Variants in ST6GALNAC5 observed in about 807,000 individuals in gnomAD.
ST6GALNAC5 encodes ST6 N-acetylgalactosaminide alpha-2,6-sialyltransferase 5.
ST6GALNAC5 carries 27 observed loss-of-function variants against 33.6 expected under a neutral mutation model. The ratio of observed to expected loss-of-function variants is 0.80; its 90% CI spans 0.59 to 1.11. ST6GALNAC5 has a LOEUF of 1.11. ST6GALNAC5 is among the 50% of genes least tolerant of loss of function. The pLI is 0.00. For missense variants in ST6GALNAC5, 428 were observed against 454.0 expected, an observed-to-expected ratio of 0.94 and a Z score of 0.52; for synonymous variants, 194 against 171.2, an observed-to-expected ratio of 1.13 and a Z score of -1.04.
intron 2 of ST6GALNAC5, among the ~76,000 whole-genome samples, chr1:77,010,377 C>G (rs182312604): frequency 6.6e-6 from 1 of 152,236 alleles, no homozygotes; most frequent in Non-Finnish European, 1.5e-5. Context: ...CACTTGTAAT[C>G]TCACCTACTC....
Position 77,024,881 on chromosome 1 carries a change from TTC to T in ST6GALNAC5, c.262-19320_262-19319del, listed in dbSNP as rs1368562370. Among the ~76,000 whole-genome samples, 3 of 152,258 alleles carry T rather than the reference TTC, an allele frequency of 2.0e-5. No homozygotes were observed. In the East Asian group the frequency reaches 5.8e-4, roughly 29 times the overall value. On this transcript the variant is annotated intron_variant, in intron 2 of 4. Transcript: ENST00000477717. ...GTTCAGGGATTTAGAGAAGCTTCCT[TTC>T]TCCCAACTCCATCTGCTGTGACCCA...
chr1:76,881,033 C>T lies in ST6GALNAC5; in HGVS notation c.261+12291C>T, dbSNP rs577451976. On this transcript the variant is annotated intron_variant, in intron 2 of 4. Transcript: ENST00000477717. The stretch of plus-strand genomic sequence containing the variant: ...AAAATTAAAACATATCATTAATCAA[C>T]AAGTCATTCCTTAAAACCTCTTATT... 8.9e-4 allele frequency among the ~76,000 whole-genome samples: 135 copies of T among 152,258 alleles called. 1 individual carries two copies. Among genetic ancestry groups the T allele is most frequent in the Non-Finnish European group, 1.6e-3 (109 of 68,020 alleles).
intron 2 of ST6GALNAC5, among the ~76,000 whole-genome samples, chr1:76,912,282 C>T (rs1646922279): frequency 6.6e-6 from 1 of 152,128 alleles, no homozygotes; most frequent in African/African-American, 2.4e-5. Context: ...GCACTGTGGT[C>T]TGAGAGACAG....
chr1:77,056,300 T>TA (rs1652396619), intron 4 of ST6GALNAC5, among the ~76,000 whole-genome samples: 1 of 152,200 alleles, frequency 6.6e-6, no homozygotes, highest in African/African-American at 2.4e-5. Flanking sequence ...CAAACTAAGT[T>TA]ATGCTAAGTA....
At chr1:76,911,285 G>T (rs1009227743) in intron 2 of ST6GALNAC5, among the ~76,000 whole-genome samples, 3 of 152,248 alleles carry the variant, frequency 2.0e-5, no homozygotes, top group Middle Eastern at 3.4e-3. Context: ...GCATCCCAGG[G>T]ATGAAGCCCA....
At position 76,873,251 on chromosome 1, in the gene ST6GALNAC5, T is replaced by C. The variant is rs79746932; in HGVS notation, c.261+4509T>C. Among the ~76,000 whole-genome samples the C allele has an allele frequency of 5.0e-3, 768 of 152,348 alleles. 9 individuals carry two copies. The highest frequency in any genetic ancestry group is 0.018 in the African/African-American group (743 of 41,586). ...GTCATCAGGTCACATGTCATCTTCTTATGGACCACATTCTTTAACTAGCCC... is the reference window on the plus strand; with the variant it reads ...GTCATCAGGTCACATGTCATCTTCTCATGGACCACATTCTTTAACTAGCCC... On this transcript the variant is annotated intron_variant, in intron 2 of 4. Transcript: ENST00000477717.
intron 2 of ST6GALNAC5, among the ~76,000 whole-genome samples, chr1:77,002,300 G>A (rs1650203103): frequency 6.6e-6 from 1 of 152,138 alleles, no homozygotes; most frequent in Non-Finnish European, 1.5e-5. Flanking sequence ...AGTATTCTCT[G>A]ATGGTAGTTT....
At chr1:76,996,716 G>A (rs1007443105) in intron 2 of ST6GALNAC5, among the ~76,000 whole-genome samples, 78 of 152,296 alleles carry the variant, frequency 5.1e-4, no homozygotes, top group African/African-American at 1.7e-3. Context: ...CAGTTGGAAG[G>A]AGGCTGGCAT....
intron 2 of ST6GALNAC5, among the ~76,000 whole-genome samples, chr1:76,959,031 C>T (rs2100347413): frequency 6.6e-6 from 1 of 152,322 alleles, no homozygotes; most frequent in South Asian, 2.1e-4. Flanking sequence ...CAAGCATTCA[C>T]CGGCTGACTT....
intron 4 of ST6GALNAC5, among the ~76,000 whole-genome samples, chr1:77,060,400 G>A (rs911561452): frequency 6.6e-6 from 1 of 152,164 alleles, no homozygotes; most frequent in Non-Finnish European, 1.5e-5. Context: ...AGAAAGTCAG[G>A]TTTGAGAAAA....
chr1:76,910,402 G>C (rs925520568), intron 2 of ST6GALNAC5, among the ~76,000 whole-genome samples: 1 of 151,884 alleles, frequency 6.6e-6, no homozygotes, highest in Admixed American at 6.6e-5. Context: ...AAATAAAAGC[G>C]AAGTAAATAT....
chr1:77,011,064 A>T (rs971407099), intron 2 of ST6GALNAC5, among the ~76,000 whole-genome samples: 1 of 110,276 alleles, frequency 9.1e-6, no homozygotes, highest in Admixed American at 8.1e-5. Context: ...AAAGCAGGGG[A>T]CAGAATATTC....
chr1:76,909,230 T>C (rs1434551450), intron 2 of ST6GALNAC5, among the ~76,000 whole-genome samples: 3 of 152,124 alleles, frequency 2.0e-5, no homozygotes, highest in East Asian at 1.9e-4. Flanking sequence ...TAGTGCAGTG[T>C]TGGAAGTCAG....
At chr1:77,004,595 T>C (rs1375982609) in intron 2 of ST6GALNAC5, among the ~76,000 whole-genome samples, 1 of 129,870 alleles carries the variant, frequency 7.7e-6, no homozygotes, top group Non-Finnish European at 1.8e-5. Flanking sequence ...AGTTTTTCTG[T>C]TCTGTTTTTT....
intron 3 of ST6GALNAC5, among the ~76,000 whole-genome samples, chr1:77,047,636 G>T (rs1652061414): frequency 6.6e-6 from 1 of 152,148 alleles, no homozygotes; most frequent in Non-Finnish European, 1.5e-5. Context: ...AAAAGTAACT[G>T]TACTTGAAAA....
At chr1:77,001,171 G>T (rs1049486299) in intron 2 of ST6GALNAC5, among the ~76,000 whole-genome samples, 1 of 142,280 alleles carries the variant, frequency 7.0e-6, no homozygotes, top group African/African-American at 2.6e-5. Flanking sequence ...ATTTCCTTGA[G>T]CAGTGGTTTG....
chr1:77,028,383 G>T (rs904432205), intron 2 of ST6GALNAC5, among the ~76,000 whole-genome samples: 18 of 151,962 alleles, frequency 1.2e-4, no homozygotes, highest in Non-Finnish European at 1.5e-5. Flanking sequence ...AAAACTTCAG[G>T]ACATCAAAAG....
At chr1:76,901,608 A>G (rs1199280413) in intron 2 of ST6GALNAC5, among the ~76,000 whole-genome samples, 2 of 152,222 alleles carry the variant, frequency 1.3e-5, no homozygotes, top group Non-Finnish European at 2.9e-5. Flanking sequence ...CTTTGGGAAT[A>G]TAAGGCCTTT....
In ST6GALNAC5 at chr1:76,868,175, C is replaced by G. The variant is rs1653393797; in HGVS notation, c.16-322C>G. Among the ~76,000 whole-genome samples, 1 of 152,120 alleles carries G rather than the reference C, an allele frequency of 6.6e-6. No homozygotes were observed. The highest frequency in any genetic ancestry group is 6.5e-5 in the Admixed American group (1 of 15,288). ...GCTTGGCTGGGGTGGCTGCGCCAGA[C>G]GGGCCCTTCCCCAAAGTGCAAACCC... On this transcript the variant is annotated intron_variant, in intron 1 of 4. Coordinates refer to ENST00000477717, the MANE Select transcript of ST6GALNAC5 (RefSeq NM_030965.3). This position sits in a 1 kb window ranked among gnomAD's most constrained non-coding sequence, Gnocchi z 4.3.
Sources: allele counts gnomAD v4.1 joint callset (sites outside exome capture counted in the v4.1 genomes callset), GRCh38; gene constraint gnomAD v4.1.1; non-coding constraint Gnocchi (gnomAD v3.1); transcripts MANE v1.5; gene names NCBI Gene and HGNC (gene_info 2026-07-23, HGNC 2026-07-21).